Variants in PBRM1 observed in about 807,000 individuals in gnomAD.
The protein encoded by PBRM1 is protein polybromo-1.
A neutral mutation model predicts 194.5 loss-of-function variants in PBRM1; 27 were observed. The ratio of observed to expected loss-of-function variants is 0.14; its 90% CI spans 0.10 to 0.19. PBRM1 has a LOEUF of 0.19. Ranked by LOEUF, PBRM1 falls within the 10% of genes least tolerant of loss-of-function variation. The pLI, the probability that PBRM1 is intolerant of heterozygous loss-of-function variation, is 1.00. For synonymous variants in PBRM1, 655 were observed against 693.2 expected (o/e 0.94, Z 0.87); for missense variants, 1,466 against 2,077.2 (o/e 0.71, Z 5.72).
intron 15 of PBRM1, among the ~76,000 whole-genome samples, chr3:52,611,576 G>A (rs929784763): frequency 6.6e-6 from 1 of 152,116 alleles, no homozygotes; most frequent in Non-Finnish European, 1.5e-5. Flanking sequence ...GGCCAAGGTG[G>A]GCAGATCACT....
chr3:52,657,906 C>T (rs1393327133), intron 5 of PBRM1, among the ~76,000 whole-genome samples: 1 of 152,078 alleles, frequency 6.6e-6, no homozygotes, highest in African/African-American at 2.4e-5. Context: ...ATTCTCCTAC[C>T]TCACCCTCCC....
At position 52,634,435 on chromosome 3, in the gene PBRM1, CA is replaced by C. The variant is rs370025797; in HGVS notation, c.1301+166del. Among the ~76,000 whole-genome samples, 239 of 46,344 alleles carry C rather than the reference CA, an allele frequency of 5.2e-3. 1 individual carries two copies. Among genetic ancestry groups the C allele is most frequent in the South Asian group, 0.015 (22 of 1,476 alleles). 30.4% of individuals were successfully genotyped at this position (46,344 alleles called of 152,430 possible). A position where few individuals can be genotyped will look rare whatever the true frequency, so the allele number is the denominator to read the frequency against. The stretch of plus-strand genomic sequence containing the variant: ...CTGGCAACAGACTGAGACTCCGTCT[CA>C]AAAAAAAAAAAAAAAAAAAAGGTAA... On this transcript the variant is annotated intron_variant, in intron 11 of 29. Transcript: ENST00000296302.
At chr3:52,649,209 T>C (rs1026652006) in intron 6 of PBRM1, among the ~76,000 whole-genome samples, 1 of 152,072 alleles carries the variant, frequency 6.6e-6, no homozygotes, top group African/African-American at 2.4e-5. Flanking sequence ...TACCAACAAC[T>C]ACGCATCCTT....
At chr3:52,631,750 G>A (rs894219036) in intron 11 of PBRM1, among the ~76,000 whole-genome samples, 7 of 152,092 alleles carry the variant, frequency 4.6e-5, no homozygotes, top group Non-Finnish European at 1.0e-4. Context: ...GGCACAGCGG[G>A]ACCAATTAAA....
chr3:52,598,996 T>C (rs2093776979), intron 17 of PBRM1, among the ~76,000 whole-genome samples: 1 of 135,466 alleles, frequency 7.4e-6, no homozygotes, highest in Non-Finnish European at 1.5e-5. Flanking sequence ...CACTCCAGCC[T>C]CAGCAACAGT....
intron 22 of PBRM1, among the ~76,000 whole-genome samples, chr3:52,569,211 T>C (rs1188256246): frequency 6.7e-6 from 1 of 149,264 alleles, no homozygotes; most frequent in Non-Finnish European, 1.5e-5. Flanking sequence ...TTTTTCAATA[T>C]GATTTTTTTT....
chr3:52,548,014 T>C, exon 30 of PBRM1: 5 of 1,516,122 alleles, frequency 3.3e-6, no homozygotes, highest in Non-Finnish European at 4.5e-6. Flanking sequence ...AAATGGCTAC[T>C]GATCCACAAC....
chr3:52,593,929 A>G (rs529579030), intron 17 of PBRM1, among the ~76,000 whole-genome samples: 1 of 152,286 alleles, frequency 6.6e-6, no homozygotes, highest in Non-Finnish European at 1.5e-5. Context: ...AGTTCTCTAG[A>G]TGTCTATCAG....
At chr3:52,673,634 T>G (rs1307284514) in intron 2 of PBRM1, among the ~76,000 whole-genome samples, 1 of 131,294 alleles carries the variant, frequency 7.6e-6, no homozygotes, top group Non-Finnish European at 1.5e-5. Flanking sequence ...ACTGTGCCAC[T>G]GCACTCCAGC....
At chr3:52,632,626 A>G (rs1264406079) in intron 11 of PBRM1, among the ~76,000 whole-genome samples, 1 of 151,962 alleles carries the variant, frequency 6.6e-6, no homozygotes, top group East Asian at 1.9e-4. Context: ...ACTGAAGAAA[A>G]GGTTACTATC....
intron 22 of PBRM1, among the ~76,000 whole-genome samples, chr3:52,574,856 T>A (rs1335929386): frequency 2.0e-5 from 3 of 152,228 alleles, no homozygotes; most frequent in Non-Finnish European, 4.4e-5. Context: ...GGCTGATCAC[T>A]AAGCTTATAG....
chr3:52,603,785 C>T (rs866066238), intron 16 of PBRM1, 53 bp from the exon 19 acceptor site: 6 of 1,465,458 alleles, frequency 4.1e-6, no homozygotes, highest in Middle Eastern at 2.2e-4. Flanking sequence ...CTTTTAAACA[C>T]CTCAATTATA....
intron 7 of PBRM1, 87 bp from the exon 9 acceptor site, chr3:52,644,876 T>A: frequency 1.7e-6 from 1 of 584,972 alleles, no homozygotes; most frequent in Non-Finnish European, 3.1e-6. Flanking sequence ...GCACCTTCTA[T>A]GGCACTCTTT....
intron 18 of PBRM1, 21 bp downstream of exon 20, chr3:52,589,049 T>C (rs1031097955): frequency 1.3e-6 from 2 of 1,590,904 alleles, no homozygotes; most frequent in Non-Finnish European, 1.7e-6. Context: ...TAAACTGTCC[T>C]TTGATTTAAA....
chr3:52,616,224 T>A (rs939324297), intron 14 of PBRM1, among the ~76,000 whole-genome samples: 5 of 152,242 alleles, frequency 3.3e-5, no homozygotes, highest in African/African-American at 1.2e-4. Context: ...TTTTTATCTA[T>A]AAGCATCCTC....
At chr3:52,597,473 T>C (rs919164085) in intron 17 of PBRM1, among the ~76,000 whole-genome samples, 1 of 152,226 alleles carries the variant, frequency 6.6e-6, no homozygotes, top group African/African-American at 2.4e-5. Context: ...ATCAAGTGAA[T>C]CCCTGTGTAA....
chr3:52,674,681 CAT>C (rs1385976317), intron 2 of PBRM1, among the ~76,000 whole-genome samples: 190 of 144,284 alleles, frequency 1.3e-3, no homozygotes, highest in African/African-American at 4.5e-3. Context: ...CACACACACA[CAT>C]ATATCTCCTT....
intron 3 of PBRM1, among the ~76,000 whole-genome samples, chr3:52,665,933 G>A (rs1043898249): frequency 1.3e-5 from 2 of 152,046 alleles, no homozygotes; most frequent in Non-Finnish European, 2.9e-5. Context: ...ATTGTTTGGA[G>A]GATTAAGATC....
intron 17 of PBRM1, among the ~76,000 whole-genome samples, chr3:52,591,399 G>C (rs1431998129): frequency 6.6e-6 from 1 of 151,832 alleles, no homozygotes; most frequent in Non-Finnish European, 1.5e-5. Context: ...CTTTGTAATA[G>C]ATGGCTCTTA....
Sources: allele counts gnomAD v4.1 joint callset (sites outside exome capture counted in the v4.1 genomes callset), GRCh38; gene constraint gnomAD v4.1.1; transcripts MANE v1.5; gene names NCBI Gene and HGNC (gene_info 2026-07-23, HGNC 2026-07-21).